Variants in CLSTN2 observed in about 807,000 individuals in gnomAD.
CLSTN2 encodes the protein calsyntenin-2.
CLSTN2 carries 48 observed loss-of-function variants against 101.2 expected under a neutral mutation model. The ratio of observed to expected loss-of-function variants is 0.47; its 90% confidence interval spans 0.38 to 0.60. CLSTN2 has a LOEUF of 0.60. CLSTN2 is among the 20% of genes least tolerant of loss of function. CLSTN2 has a pLI of 0.00. For synonymous variants in CLSTN2, 481 were observed against 463.6 expected (o/e 1.04, Z -0.48); for missense variants, 1,160 against 1,238.2 (o/e 0.94, Z 0.95).
intron 2 of CLSTN2, among the ~76,000 whole-genome samples, chr3:140,332,702 T>G (rs1313720957): frequency 9.3e-6 from 1 of 106,974 alleles, no homozygotes; most frequent in Non-Finnish European, 2.3e-5. Flanking sequence ...TTTTCTTTTC[T>G]GGCAAAAAAA....
chr3:140,345,335 G>A (rs1304438380), intron 2 of CLSTN2, among the ~76,000 whole-genome samples: 2 of 148,068 alleles, frequency 1.4e-5, no homozygotes, highest in African/African-American at 5.0e-5. Context: ...TGCAACCTAT[G>A]CCTCCCCGGT....
chr3:140,137,711 T>C (rs532350016), intron 1 of CLSTN2, among the ~76,000 whole-genome samples: 1 of 152,314 alleles, frequency 6.6e-6, no homozygotes, highest in South Asian at 2.1e-4. Flanking sequence ...CTTTGCCGTT[T>C]ACAAAGCACT....
chr3:140,477,483 G>T (rs550663204), intron 8 of CLSTN2, among the ~76,000 whole-genome samples: 1 of 152,290 alleles, frequency 6.6e-6, no homozygotes, highest in South Asian at 2.1e-4. Context: ...CATATTACAT[G>T]TGAGGGAAAA....
chr3:140,292,330 T>C (rs546752707), intron 2 of CLSTN2, among the ~76,000 whole-genome samples: 76 of 152,280 alleles, frequency 5.0e-4, no homozygotes, highest in African/African-American at 1.7e-3. Flanking sequence ...GCCCAAAATA[T>C]CTCCTCCTCA....
At chr3:140,177,823 T>C (rs1027677766) in intron 2 of CLSTN2, among the ~76,000 whole-genome samples, 1 of 152,160 alleles carries the variant, frequency 6.6e-6, no homozygotes, top group Non-Finnish European at 1.5e-5. Flanking sequence ...TTGAGAGATT[T>C]AGCATAAAAA....
chr3:140,446,531 CCTTGA>C (rs1933083361), intron 5 of CLSTN2, among the ~76,000 whole-genome samples: 2 of 152,142 alleles, frequency 1.3e-5, no homozygotes, highest in African/African-American at 4.8e-5. Context: ...TTGTCTCCTT[CCTTGA>C]CAGGGAACAA....
chr3:139,939,479 A>G (rs1454254700), intron 1 of CLSTN2, among the ~76,000 whole-genome samples: 1 of 152,214 alleles, frequency 6.6e-6, no homozygotes, highest in Non-Finnish European at 1.5e-5. Context: ...AGGGACCACA[A>G]GGAAGCTGAG....
chr3:140,284,796 G>T (rs2086881000), intron 2 of CLSTN2, among the ~76,000 whole-genome samples: 1 of 152,026 alleles, frequency 6.6e-6, no homozygotes, highest in South Asian at 2.1e-4. Context: ...CCATCTGCTT[G>T]TTCTGACACT....
chr3:140,075,865 C>T (rs1268128484), intron 1 of CLSTN2, among the ~76,000 whole-genome samples: 1 of 151,882 alleles, frequency 6.6e-6, no homozygotes, highest in Non-Finnish European at 1.5e-5. Flanking sequence ...CAGGTGGGCA[C>T]CAAATTCTCT....
At chr3:140,423,990 C>T (rs2088534254) in intron 5 of CLSTN2, among the ~76,000 whole-genome samples, 2 of 152,190 alleles carry the variant, frequency 1.3e-5, no homozygotes, top group South Asian at 2.1e-4. Context: ...TGGCGACTGG[C>T]CAAGGAGAAG....
intron 2 of CLSTN2, among the ~76,000 whole-genome samples, chr3:140,295,733 C>T (rs1256595692): frequency 3.3e-5 from 5 of 152,176 alleles, no homozygotes; most frequent in East Asian, 1.9e-4. Flanking sequence ...AAACTCAGGA[C>T]GACCATTGCC....
At chr3:140,531,571 G>T (rs1352491793) in intron 8 of CLSTN2, among the ~76,000 whole-genome samples, 1 of 152,116 alleles carries the variant, frequency 6.6e-6, no homozygotes, top group African/African-American at 2.4e-5. Context: ...GGTGTGGGGG[G>T]ATTAGAGGGA....
At chr3:140,111,842 G>T (rs955844382) in intron 1 of CLSTN2, among the ~76,000 whole-genome samples, 3 of 152,072 alleles carry the variant, frequency 2.0e-5, no homozygotes, top group African/African-American at 7.2e-5. Flanking sequence ...TCATATGCAC[G>T]ATCTCATTTA....
At chr3:140,208,492 A>T (rs1346176693) in intron 2 of CLSTN2, among the ~76,000 whole-genome samples, 1 of 152,022 alleles carries the variant, frequency 6.6e-6, no homozygotes, top group Admixed American at 6.5e-5. Flanking sequence ...TTGTTTACTG[A>T]TTTCATTCTT....
At chr3:140,342,894 G>A (rs577677896) in intron 2 of CLSTN2, among the ~76,000 whole-genome samples, 76 of 152,274 alleles carry the variant, frequency 5.0e-4, no homozygotes, top group Non-Finnish European at 9.1e-4. Flanking sequence ...TGCTTACATG[G>A]TGTCTCAGGG....
chr3:139,958,276 A>T (rs1236361496), intron 1 of CLSTN2, among the ~76,000 whole-genome samples: 1 of 152,082 alleles, frequency 6.6e-6, no homozygotes, highest in Non-Finnish European at 1.5e-5. Context: ...AAACACCAAG[A>T]ATATTGCTGG....
In CLSTN2 at chr3:140,570,102, T is replaced by C. The variant is rs1985480179; in HGVS notation, c.*3849T>C. 1 of 152,144 alleles carries C rather than the reference T, an allele frequency of 6.6e-6. No homozygotes were observed. The highest frequency in any genetic ancestry group is 2.4e-5 in the African/African-American group (1 of 41,422). 9.4% of individuals were successfully genotyped at this position (152,144 alleles called of 1,614,324 possible). ...CATCCAGTGAGAGAGCTGGGGGTGG[T>C]GAGAAGCAATGTCCCCCATTCCTAT... On this transcript the variant is annotated 3_prime_UTR_variant, in exon 17 of 17. Transcript: ENST00000458420.
At chr3:140,112,824 C>CCTCT (rs1370333725) in intron 1 of CLSTN2, among the ~76,000 whole-genome samples, 1 of 152,116 alleles carries the variant, frequency 6.6e-6, no homozygotes, top group Non-Finnish European at 1.5e-5. Flanking sequence ...AATTTGAAAA[C>CCTCT]CTCTCTCTGC....
chr3:140,229,826 A>C (rs1178048446), intron 2 of CLSTN2, among the ~76,000 whole-genome samples: 1 of 152,140 alleles, frequency 6.6e-6, no homozygotes, highest in Non-Finnish European at 1.5e-5. Context: ...GTTAAGTACT[A>C]ACCATGAAGG....
Sources: allele counts gnomAD v4.1 joint callset (sites outside exome capture counted in the v4.1 genomes callset), GRCh38; gene constraint gnomAD v4.1.1; transcripts MANE v1.5; gene names NCBI Gene and HGNC (gene_info 2026-07-23, HGNC 2026-07-21).